Variants in SLIT2 observed in about 807,000 individuals in gnomAD.
SLIT2 encodes the protein slit guidance ligand 2.
In SLIT2, 41 loss-of-function variants were observed where a neutral mutation model predicts 185.7. That is an observed-to-expected ratio of 0.22 (90% CI 0.17 to 0.29). The LOEUF (loss-of-function observed/expected upper bound fraction) is 0.29. Among genes scored for constraint, SLIT2 ranks in the 10% least tolerant of loss-of-function variants. The pLI, the probability that SLIT2 is intolerant of heterozygous loss-of-function variation, is 1.00. For missense variants in SLIT2, 1,571 were observed against 1,909.0 expected (o/e 0.82, Z 3.30); for synonymous variants, 693 against 680.2 (o/e 1.02, Z -0.29).
intron 5 of SLIT2, among the ~76,000 whole-genome samples, chr4:20,479,638 A>G (rs921445234): frequency 5.9e-5 from 9 of 152,054 alleles, no homozygotes; most frequent in African/African-American, 1.9e-4. Context: ...AGAAAAAAAA[A>G]AAGAGTGTGG....
In SLIT2 at chr4:20,542,607, C is replaced by G. The variant is rs767938613; in HGVS notation, c.2257C>G (p.Pro753Ala). Residue 753 changes from proline (P) to alanine (A), a missense_variant, in exon 21 of 37, where the codon CCA becomes GCA. Physicochemically the swap from Pro to Ala is conservative, Grantham distance 27. Transcript: ENST00000504154. The stretch of plus-strand genomic sequence containing the variant: ...TTTGAAGGTCTTGCCGAAAGGTATT[C>G]CAAGAGATGTCACAGAGTTGTAAGT... ...KGLKVLPKGI[P>A]RDVTELYLDG... The G allele has an allele frequency of 2.5e-6, 4 of 1,613,776 alleles. No individual in the cohort carries two copies. Among genetic ancestry groups the G allele is most frequent in the Non-Finnish European group, 2.5e-6 (3 of 1,179,774 alleles).
In SLIT2 at chr4:20,514,904, ATTTC is replaced by A. The variant is rs569487044; in HGVS notation, c.1058+3772_1058+3775del. The stretch of plus-strand genomic sequence containing the variant: ...TCATGTCGTTTTCAGGGATTTTAAA[ATTTC>A]TTTCAATGTGACATCAACAAGATTT... On this transcript the variant is annotated intron_variant, in intron 11 of 36. Transcript: ENST00000504154. Among the ~76,000 whole-genome samples, 296 of 152,266 alleles carry A rather than the reference ATTTC, an allele frequency of 1.9e-3. 1 individual carries two copies. The highest frequency in any genetic ancestry group is 6.9e-3 in the African/African-American group (288 of 41,568).
intron 4 of SLIT2, among the ~76,000 whole-genome samples, chr4:20,333,292 C>T (rs538567669): frequency 1.4e-3 from 208 of 152,228 alleles, no homozygotes; most frequent in Non-Finnish European, 1.8e-3. Context: ...CTAACTTTCT[C>T]GTCATCAACA....
intron 4 of SLIT2, among the ~76,000 whole-genome samples, chr4:20,441,519 GTCTCTCTCTCTCTC>G (rs376556054): frequency 9.3e-6 from 1 of 107,996 alleles, no homozygotes; most frequent in Non-Finnish European, 1.8e-5. Flanking sequence ...CCCCACTTCT[GTCTCTCTCTCTCTC>G]TCTCTCTCTC....
rs114750102 is a variant in SLIT2 at position 20,347,589 on chromosome 4, T to C, written c.395+78708T>C. Among the ~76,000 whole-genome samples the C allele has an allele frequency of 2.7e-3, 406 of 152,340 alleles. 1 individual carries two copies. The highest frequency in any genetic ancestry group is 8.9e-3 in the African/African-American group (371 of 41,562). ...CATTCTGATATGAGTGGCAAATATG[T>C]CAGGAATCCTTAAGAGTTTTGCCTT... On this transcript the variant is annotated intron_variant, in intron 4 of 36. Transcript: ENST00000504154.
intron 4 of SLIT2, among the ~76,000 whole-genome samples, chr4:20,363,809 T>C (rs2109300444): frequency 6.6e-6 from 1 of 152,228 alleles, no homozygotes; most frequent in Middle Eastern, 3.4e-3. Context: ...AGGCAGCATG[T>C]ATTTTCCTGC....
chr4:20,274,744 T>G (rs1415006088), intron 4 of SLIT2, among the ~76,000 whole-genome samples: 2 of 135,922 alleles, frequency 1.5e-5, no homozygotes, highest in African/African-American at 6.4e-5. Flanking sequence ...GTTTCTGTGT[T>G]TTTTTTTTTT....
rs1375642642 is a variant in SLIT2 at position 20,254,148 on chromosome 4, A to G, written c.179+154A>G. 6.6e-6 allele frequency among the ~76,000 whole-genome samples: 1 copy of G among 152,014 alleles called. No homozygotes were observed. The highest frequency in any genetic ancestry group is 1.5e-5 in the Non-Finnish European group (1 of 67,982). On this transcript the variant is annotated intron_variant, in intron 1 of 36. Coordinates refer to ENST00000504154, the MANE Select transcript of SLIT2 (RefSeq NM_004787.4). The surrounding 1 kb of genome is among the most constrained non-coding windows in gnomAD (Gnocchi z 5.1). ...CTGGGGTTGAGCTCTCCGGGAGGGCACTGGCCAGGGAAGGGCCTCTGTCCA... is the reference window on the plus strand; with the variant it reads ...CTGGGGTTGAGCTCTCCGGGAGGGCGCTGGCCAGGGAAGGGCCTCTGTCCA...
Position 20,350,108 on chromosome 4 carries a change from A to C in SLIT2, c.395+81227A>C, listed in dbSNP as rs185371461. Reference sequence around the variant, plus strand: ...CATAAATTACTAAGAGGTAGGCATCATGTACTTCTTGTTCAGATTGCAAAC... The same window carrying C: ...CATAAATTACTAAGAGGTAGGCATCCTGTACTTCTTGTTCAGATTGCAAAC... On this transcript the variant is annotated intron_variant, in intron 4 of 36. Coordinates refer to ENST00000504154, the MANE Select transcript of SLIT2 (RefSeq NM_004787.4). Among the ~76,000 whole-genome samples the C allele has an allele frequency of 2.0e-5, 3 of 152,312 alleles. No individual in the cohort carries two copies. The East Asian group carries it at 5.8e-4, about 29-fold the overall frequency.
intron 4 of SLIT2, among the ~76,000 whole-genome samples, chr4:20,325,850 A>T (rs534347302): frequency 6.6e-6 from 1 of 152,292 alleles, no homozygotes; most frequent in East Asian, 1.9e-4. Context: ...CTTTTTTTAT[A>T]GTTGACCATA....
intron 4 of SLIT2, among the ~76,000 whole-genome samples, chr4:20,401,544 C>T (rs556668210): frequency 5.3e-4 from 81 of 151,934 alleles, no homozygotes; most frequent in African/African-American, 1.7e-3. Context: ...TCCAGCAAAT[C>T]TGCATGCTTA....
At chr4:20,483,455 A>G (rs1242317477) in intron 6 of SLIT2, among the ~76,000 whole-genome samples, 2 of 152,084 alleles carry the variant, frequency 1.3e-5, no homozygotes, top group African/African-American at 2.4e-5. Flanking sequence ...CAAAAATAAC[A>G]TTGGAAACTA....
At chr4:20,481,569 G>C (rs1381873677) in intron 6 of SLIT2, among the ~76,000 whole-genome samples, 1 of 151,832 alleles carries the variant, frequency 6.6e-6, no homozygotes, top group Non-Finnish European at 1.5e-5. Context: ...ATTTTTCTCT[G>C]CTTTATTTCA....
chr4:20,490,657 T>C, intron 8 of SLIT2: 2 of 598,876 alleles, frequency 3.3e-6, no homozygotes, highest in Non-Finnish European at 5.8e-6. Flanking sequence ...TCACATGTTT[T>C]ATAACCTAAG....
rs771542008 is a variant in SLIT2, at chr4:20,568,868, T to C, written c.2952T>C (p.Cys984=). The C allele has an allele frequency of 1.2e-6, 2 of 1,612,098 alleles. No individual in the cohort carries two copies. Among genetic ancestry groups the C allele is most frequent in the East Asian group, 2.2e-5 (1 of 44,790 alleles). The change falls in exon 29 of 37, where the codon TGT becomes TGC. Residue 984 remains cysteine, a synonymous_variant. Transcript: ENST00000504154. The part of the protein sequence containing the change: ...LKEGEEDGFW[C]ICADGFEGEN... ...CCTTTTCTCCTCTGGCATTCAGGTG[T>C]ATTTGTGCTGATGGATTTGAAGGAG...
intron 4 of SLIT2, among the ~76,000 whole-genome samples, chr4:20,342,534 C>T (rs1721040333): frequency 6.6e-6 from 1 of 151,982 alleles, no homozygotes; most frequent in African/African-American, 2.4e-5. Flanking sequence ...ACTTTTATAT[C>T]ATAATAAAGT....
At chr4:20,490,781 C>G in intron 8 of SLIT2, 1 of 1,497,970 alleles carries the variant, frequency 6.7e-7, no homozygotes. Context: ...TCTCTCTTCA[C>G]TTTTTCCTTT....
At chr4:20,352,081 G>A (rs1266975760) in intron 4 of SLIT2, among the ~76,000 whole-genome samples, 1 of 152,144 alleles carries the variant, frequency 6.6e-6, no homozygotes, top group Non-Finnish European at 1.5e-5. Context: ...TGCTGGCAAA[G>A]TGTCAGTGCT....
chr4:20,521,302 C>T (rs1004700530), intron 12 of SLIT2, among the ~76,000 whole-genome samples: 40 of 152,170 alleles, frequency 2.6e-4, no homozygotes, highest in Admixed American at 2.4e-3. Flanking sequence ...AGGGAAAGAA[C>T]GGCATGATTA....
Sources: allele counts gnomAD v4.1 joint callset (sites outside exome capture counted in the v4.1 genomes callset), GRCh38; gene constraint gnomAD v4.1.1; non-coding constraint Gnocchi (gnomAD v3.1); transcripts MANE v1.5; gene names NCBI Gene and HGNC (gene_info 2026-07-23, HGNC 2026-07-21).